The following ASPH variants were observed in gnomAD, a reference collection of about 807,000 sequenced individuals.
ASPH encodes aspartyl/asparaginyl beta-hydroxylase.
Under a neutral mutation model 118.4 loss-of-function variants are expected in ASPH, and 100 were observed. The ratio of observed to expected loss-of-function variants is 0.84; its 90% CI spans 0.72 to 1.00. The LOEUF (loss-of-function observed/expected upper bound fraction) is 1.00. ASPH is among the 50% of genes least tolerant of loss of function. The pLI, the probability that ASPH is intolerant of heterozygous loss-of-function variation, is 0.00. For synonymous variants in ASPH, 315 were observed against 325.6 expected (o/e 0.97, Z 0.35); for missense variants, 920 against 919.5 (o/e 1.00, Z -0.01).
intron 14 of ASPH, among the ~76,000 whole-genome samples, chr8:61,612,657 C>A (rs1847815951): frequency 6.6e-6 from 1 of 152,060 alleles, no homozygotes; most frequent in Non-Finnish European, 1.5e-5. Context: ...CAGGCATGAG[C>A]CATCATGCCC....
intron 3 of ASPH, among the ~76,000 whole-genome samples, chr8:61,667,017 T>C (rs1421772609): frequency 1.3e-5 from 2 of 151,334 alleles, no homozygotes; most frequent in African/African-American, 4.9e-5. Context: ...GTGAAAATTG[T>C]TTTCATCCCC....
At chr8:61,705,967 A>T (rs1836511168) in intron 1 of ASPH, among the ~76,000 whole-genome samples, 1 of 152,162 alleles carries the variant, frequency 6.6e-6, no homozygotes, top group African/African-American at 2.4e-5. Context: ...TCATTACAGA[A>T]CTCTTTCAAT....
intron 13 of ASPH, among the ~76,000 whole-genome samples, chr8:61,619,299 G>A (rs1039624642): frequency 1.1e-4 from 16 of 152,100 alleles, no homozygotes; most frequent in African/African-American, 3.9e-4. Flanking sequence ...AGTTGGAGTG[G>A]GTGATGTACA....
intron 14 of ASPH, among the ~76,000 whole-genome samples, chr8:61,591,281 T>C (rs1841045934): frequency 6.6e-6 from 1 of 151,710 alleles, no homozygotes; most frequent in South Asian, 2.1e-4. Context: ...TTTTAAAAAA[T>C]GAGAAAATTA....
chr8:61,671,726 A>T (rs1159119281), intron 3 of ASPH, among the ~76,000 whole-genome samples: 1 of 152,262 alleles, frequency 6.6e-6, no homozygotes, highest in Non-Finnish European at 1.5e-5. Context: ...CTTAGAACGT[A>T]AGAGAGTTGC....
intron 24 of ASPH, among the ~76,000 whole-genome samples, chr8:61,506,491 A>G (rs890573447): frequency 1.3e-5 from 2 of 152,232 alleles, no homozygotes; most frequent in Admixed American, 1.3e-4. Context: ...TGTGTATTTT[A>G]CTACAATTAA....
intron 16 of ASPH, among the ~76,000 whole-genome samples, chr8:61,571,440 A>T (rs1015294108): frequency 9.2e-5 from 14 of 152,180 alleles, no homozygotes; most frequent in Non-Finnish European, 1.9e-4. Context: ...CATATTGCCT[A>T]TCCATATCCT....
chr8:61,652,995 CTG>C (rs1811826742), intron 4 of ASPH, among the ~76,000 whole-genome samples: 1 of 152,174 alleles, frequency 6.6e-6, no homozygotes, highest in Non-Finnish European at 1.5e-5. Flanking sequence ...GATTTAGAGA[CTG>C]TATTAGATTT....
Position 61,714,524 on chromosome 8 carries a change from A to C in ASPH, c.-153T>G. The C allele has an allele frequency of 8.6e-7, 1 of 1,158,566 alleles. No homozygotes were observed. The highest frequency in any genetic ancestry group is 1.6e-5 in the African/African-American group (1 of 61,574). 71.8% of individuals were successfully genotyped at this position (1,158,566 alleles called of 1,614,324 possible). On this transcript the variant is annotated 5_prime_UTR_variant, in exon 1 of 25. Transcript: ENST00000379454. ...GACCCTGTGCCTCAGCACCGCCTGC[A>C]GCACCTGGGAAGACTTCACCCGCCT...
rs1278370229 is a variant in ASPH, at chr8:61,521,753, AAC to A, written c.1901-3632_1901-3631del. Among the ~76,000 whole-genome samples, 19 of 152,380 alleles carry A rather than the reference AAC, an allele frequency of 1.2e-4. No individual in the cohort carries two copies. The East Asian group carries it at 3.7e-3, about 29-fold the overall frequency. On this transcript the variant is annotated intron_variant, in intron 22 of 24. Coordinates refer to ENST00000379454, the MANE Select transcript of ASPH (RefSeq NM_004318.4). Reference sequence around the variant, plus strand: ...GGAAAATAGCTCTAGAAAGAGATCTAACAGCCAATGCAAATCTGGAAGAATCA... The same window carrying A: ...GGAAAATAGCTCTAGAAAGAGATCTAAGCCAATGCAAATCTGGAAGAATCA...
chr8:61,576,885 T>C, intron 15 of ASPH, 27 bp from the exon 16 acceptor site: 1 of 1,517,732 alleles, frequency 6.6e-7, no homozygotes, highest in Non-Finnish European at 9.0e-7. Flanking sequence ...ATTACATAAA[T>C]AAAATAAATT....
chr8:61,656,962 A>G (rs1814011727), intron 3 of ASPH: 1 of 152,246 alleles, frequency 6.6e-6, no homozygotes, highest in African/African-American at 2.4e-5. Context: ...TTAATCGTTC[A>G]ACAAATATTT....
chr8:61,619,083 A>T, intron 13 of ASPH, 64 bp from the exon 14 acceptor site: 2 of 1,134,034 alleles, frequency 1.8e-6, no homozygotes, highest in Non-Finnish European at 2.6e-6. Context: ...CTCAAAATAT[A>T]GGACAATATT....
At chr8:61,586,258 C>A (rs910287008) in intron 14 of ASPH, among the ~76,000 whole-genome samples, 2 of 152,182 alleles carry the variant, frequency 1.3e-5, no homozygotes, top group Non-Finnish European at 2.9e-5. Context: ...GTCTCTTTAG[C>A]GGCTTTAACT....
At chr8:61,646,906 C>A (rs553852364) in intron 5 of ASPH, 28 bp from the exon 6 acceptor site, 1 of 1,612,874 alleles carries the variant, frequency 6.2e-7, no homozygotes, top group South Asian at 1.1e-5. Context: ...GTGACACTGG[C>A]AACATACAAC....
At chr8:61,665,189 C>G in intron 3 of ASPH, 2 of 1,519,010 alleles carry the variant, frequency 1.3e-6, no homozygotes, top group Non-Finnish European at 1.8e-6. Context: ...ATTTTCCATG[C>G]TTTTTTGTAA....
chr8:61,646,990 T>G, intron 5 of ASPH, 112 bp from the exon 6 acceptor site: 1 of 1,416,976 alleles, frequency 7.1e-7, no homozygotes, highest in Non-Finnish European at 9.7e-7. Context: ...TGCCCCTCCT[T>G]TCGGCCGCTG....
At chr8:61,632,580 T>C (rs1439020180) in intron 13 of ASPH, 4 of 441,404 alleles carry the variant, frequency 9.1e-6, no homozygotes, top group Non-Finnish European at 1.8e-5. Flanking sequence ...CTAGTAGTCA[T>C]CATGTAAAAG....
At chr8:61,666,497 A>G (rs1819676263) in intron 3 of ASPH, among the ~76,000 whole-genome samples, 1 of 152,242 alleles carries the variant, frequency 6.6e-6, no homozygotes, top group Admixed American at 6.5e-5. Flanking sequence ...AGAAACAAAG[A>G]AAATGAAATA....
Sources: gnomAD v4.1 joint callset for allele counts (sites outside exome capture counted in the v4.1 genomes callset) on GRCh38, gnomAD v4.1.1 for gene constraint, MANE v1.5 for transcripts, NCBI Gene and HGNC (gene_info 2026-07-23, HGNC 2026-07-21) for gene names.